The following CCDC158 variants were observed in gnomAD, a reference collection of about 807,000 sequenced individuals.
The protein encoded by CCDC158 is coiled-coil domain containing 158, also known as coiled-coil domain-containing protein 158.
A neutral mutation model predicts 138.6 loss-of-function variants in CCDC158; 116 were observed. The ratio of observed to expected loss-of-function variants is 0.84; its 90% confidence interval spans 0.72 to 0.98. The LOEUF (loss-of-function observed/expected upper bound fraction) is 0.98. Among genes scored for constraint, CCDC158 ranks in the 50% least tolerant of loss-of-function variants. The probability of loss-of-function intolerance (pLI) is 0.00; values close to 1 mark genes in which losing one functional copy is unlikely to be tolerated. For missense variants in CCDC158, 1,265 were observed against 1,306.1 expected (o/e 0.97, Z 0.48); for synonymous variants, 436 against 442.4 (o/e 0.99, Z 0.18).
At chr4:76,403,825 G>T (rs140797179) in intron 2 of CCDC158, among the ~76,000 whole-genome samples, 176 of 152,246 alleles carry the variant, frequency 1.2e-3, no homozygotes, top group Non-Finnish European at 1.5e-3. Flanking sequence ...CAAATAATCT[G>T]CAAGTACAGG....
At chr4:76,361,102 T>C (rs1170526499) in intron 13 of CCDC158, among the ~76,000 whole-genome samples, 4 of 152,098 alleles carry the variant, frequency 2.6e-5, no homozygotes, top group Non-Finnish European at 5.9e-5. Context: ...GTGTAGCACC[T>C]CCCCCTTTGT....
intron 4 of CCDC158, among the ~76,000 whole-genome samples, chr4:76,390,820 G>A (rs1727241602): frequency 6.6e-6 from 1 of 151,940 alleles, no homozygotes; most frequent in African/African-American, 2.4e-5. Flanking sequence ...CCAAAAAAGA[G>A]CAGATGTAGC....
At chr4:76,381,215 A>C (rs1015135123) in intron 8 of CCDC158, among the ~76,000 whole-genome samples, 20 of 152,200 alleles carry the variant, frequency 1.3e-4, no homozygotes, top group Admixed American at 2.6e-4. Flanking sequence ...TACCCTCCAG[A>C]CCCCAGAATG....
At chr4:76,408,319 A>G (rs1729004231) in intron 2 of CCDC158, among the ~76,000 whole-genome samples, 1 of 151,952 alleles carries the variant, frequency 6.6e-6, no homozygotes, top group Admixed American at 6.6e-5. Flanking sequence ...TATATCTCCT[A>G]ATGCTATCCC....
At chr4:76,332,367 A>T in intron 20 of CCDC158, 65 bp downstream of exon 20, 3 of 1,381,896 alleles carry the variant, frequency 2.2e-6, no homozygotes, top group Non-Finnish European at 3.1e-6. Flanking sequence ...GACTTCTCAA[A>T]TTACAAGGCC....
At chr4:76,407,310 GTTTTT>G (rs1445586992) in intron 2 of CCDC158, 5 of 151,980 alleles carry the variant, frequency 3.3e-5, no homozygotes, top group Non-Finnish European at 7.4e-5. Flanking sequence ...TCGTGCTATC[GTTTTT>G]TAGGAAGTAA....
intron 8 of CCDC158, among the ~76,000 whole-genome samples, chr4:76,380,838 C>T (rs76924515): frequency 0.029 from 4,485 of 152,308 alleles, 221 homozygotes; most frequent in African/African-American, 0.1. Context: ...CCCTCTCTAT[C>T]GCTCTGTGCG....
intron 24 of CCDC158, among the ~76,000 whole-genome samples, chr4:76,317,671 T>C (rs1041567592): frequency 1.3e-5 from 2 of 152,214 alleles, no homozygotes; most frequent in African/African-American, 4.8e-5. Context: ...AACAGATATT[T>C]ACAGAACATT....
chr4:76,409,299 T>A (rs1044870385), intron 2 of CCDC158, among the ~76,000 whole-genome samples: 4 of 151,992 alleles, frequency 2.6e-5, no homozygotes, highest in African/African-American at 9.7e-5. Context: ...ATTAAAGATT[T>A]CTAGAAAAAG....
chr4:76,325,786 G>A, intron 23 of CCDC158, 71 bp downstream of exon 23: 2 of 1,369,116 alleles, frequency 1.5e-6, no homozygotes, highest in Non-Finnish European at 2.0e-6. Context: ...TTAATTCTGA[G>A]TAAAAAGAAC....
At chr4:76,411,065 C>T (rs997329439) in intron 2 of CCDC158, among the ~76,000 whole-genome samples, 2 of 152,160 alleles carry the variant, frequency 1.3e-5, no homozygotes. Context: ...ACTGCCTCAA[C>T]ACATACAAGG....
At chr4:76,415,654 A>T (rs1368932713) in intron 1 of CCDC158, among the ~76,000 whole-genome samples, 2 of 152,194 alleles carry the variant, frequency 1.3e-5, no homozygotes, top group Non-Finnish European at 1.5e-5. Context: ...CTCTACAATC[A>T]TAACCTAGGA....
chr4:76,376,872 T>C (rs1456896097), intron 9 of CCDC158, among the ~76,000 whole-genome samples: 1 of 152,226 alleles, frequency 6.6e-6, no homozygotes, highest in African/African-American at 2.4e-5. Context: ...TGATATGCCC[T>C]CCTTATTTCC....
At position 76,331,335 on chromosome 4, in the gene CCDC158, A is replaced by G; in HGVS notation, c.2942+9T>C. 1.2e-6 allele frequency: 2 copies of G among 1,612,556 alleles called. No homozygotes were observed. The highest frequency in any genetic ancestry group is 1.7e-6 in the Non-Finnish European group (2 of 1,178,612). On this transcript the variant is annotated intron_variant, in intron 21 of 24. Transcript: ENST00000682701. ...GGACATTTTGAAAATGGGGGCTGGT[A>G]TTTCCTACCTACTAAGAGTTTCACT...
At chr4:76,375,593 G>A in intron 9 of CCDC158, 1 of 702,940 alleles carries the variant, frequency 1.4e-6, no homozygotes, top group Non-Finnish European at 2.6e-6. Context: ...TCAACATCAG[G>A]AGATATTTTT....
chr4:76,390,530 C>T (rs767966829), intron 4 of CCDC158, among the ~76,000 whole-genome samples: 1 of 151,766 alleles, frequency 6.6e-6, no homozygotes, highest in Non-Finnish European at 1.5e-5. Flanking sequence ...GAAAAATCAC[C>T]TTCACTAGGA....
chr4:76,371,039 T>A (rs772301521), intron 10 of CCDC158, among the ~76,000 whole-genome samples: 5 of 152,210 alleles, frequency 3.3e-5, no homozygotes, highest in African/African-American at 1.2e-4. Context: ...GTCCTTTTCT[T>A]TTAAAACAAC....
At chr4:76,409,088 T>G (rs190571190) in intron 2 of CCDC158, among the ~76,000 whole-genome samples, 3 of 152,340 alleles carry the variant, frequency 2.0e-5, no homozygotes, top group Admixed American at 2.0e-4. Flanking sequence ...AGTATCTCTG[T>G]TGCCAATGCT....
intron 1 of CCDC158, among the ~76,000 whole-genome samples, chr4:76,419,881 C>T (rs1261245793): frequency 6.7e-6 from 1 of 149,092 alleles, no homozygotes; most frequent in African/African-American, 2.5e-5. Flanking sequence ...AGCTGGGGGA[C>T]GGGTGGATCA....
Sources: gnomAD v4.1 joint callset for allele counts (sites outside exome capture counted in the v4.1 genomes callset) on GRCh38, gnomAD v4.1.1 for gene constraint, MANE v1.5 for transcripts, NCBI Gene and HGNC (gene_info 2026-07-23, HGNC 2026-07-21) for gene names.